ODAPH: variants seen among roughly 807,000 people sequenced by gnomAD.
ODAPH encodes amelogenesis imperfecta type IIA4.
In ODAPH, 2 loss-of-function variants were observed where a neutral mutation model predicts 2.8. That is an observed-to-expected ratio of 0.72 (90% CI 0.30 to 2.28). The LOEUF is 2.28. Ranked by LOEUF, ODAPH falls within the 30% of genes most tolerant of loss-of-function variation. The probability of loss-of-function intolerance (pLI) is 0.13; values close to 1 mark genes in which losing one functional copy is unlikely to be tolerated. For synonymous variants in ODAPH, 75 were observed against 60.3 expected, an observed-to-expected ratio of 1.24 and a Z score of -1.13; for missense variants, 159 against 163.3, an observed-to-expected ratio of 0.97 and a Z score of 0.14.
chr4:75,561,215 C>T (rs530671552), intron 1 of ODAPH, among the ~76,000 whole-genome samples: 68 of 103,908 alleles, frequency 6.5e-4, no homozygotes, highest in African/African-American at 2.3e-3. Context: ...CAGAGCGAAA[C>T]TCAATCTCAA....
chr4:75,556,116 C>G lies in ODAPH; in HGVS notation c.34C>G (p.Leu12Val). The G allele has an allele frequency of 6.2e-7, 1 of 1,614,110 alleles. No individual in the cohort carries two copies. Among genetic ancestry groups the G allele is most frequent in the Non-Finnish European group, 8.5e-7 (1 of 1,180,000 alleles). The stretch of plus-strand genomic sequence containing the variant: ...CAGACACTGCTTCTCCTACTGGTTA[C>G]TGGTATGCTGGTTGGTGGTAACTGT... ...ARRHCFSYWLLVCWLVVTVAE... is the reference protein window; with the variant it reads ...ARRHCFSYWLVVCWLVVTVAE... The change falls in exon 1 of 2, where the codon CTG (leucine) becomes GTG (valine). Residue 12 changes from leucine (L) to valine (V), a missense_variant. Physicochemically the swap from Leu to Val is conservative, Grantham distance 32. Coordinates refer to ENST00000311623, the MANE Select transcript of ODAPH (RefSeq NM_178497.5).
chr4:75,556,209 CA>C, intron 1 of ODAPH, 60 bp downstream of exon 1: 1 of 1,464,004 alleles, frequency 6.8e-7, no homozygotes, highest in Non-Finnish European at 9.6e-7. Context: ...TAGGAAAAGA[CA>C]AAACTGGCTC....
chr4:75,560,434 C>A (rs1019815091), intron 1 of ODAPH, among the ~76,000 whole-genome samples: 2 of 152,162 alleles, frequency 1.3e-5, no homozygotes. Context: ...AAGTCACAGA[C>A]CATAAATGGC....
chr4:75,556,686 T>C, intron 1 of ODAPH: 1 of 809,534 alleles, frequency 1.2e-6, no homozygotes, highest in Admixed American at 2.2e-5. Flanking sequence ...TAGGATTTTA[T>C]TAGATTCCAT....
chr4:75,558,745 G>C (rs1243615169), intron 1 of ODAPH, among the ~76,000 whole-genome samples: 1 of 152,122 alleles, frequency 6.6e-6, no homozygotes, highest in African/African-American at 2.4e-5. Flanking sequence ...CCAGGCTGGA[G>C]TGTGCAGTGG....
At chr4:75,557,324 T>C (rs1379677041) in intron 1 of ODAPH, among the ~76,000 whole-genome samples, 1 of 152,172 alleles carries the variant, frequency 6.6e-6, no homozygotes, top group African/African-American at 2.4e-5. Context: ...AGATTAGAGA[T>C]TTATTTTATT....
Position 75,564,772 on chromosome 4 carries a change from CTAAAT to C in ODAPH, c.*338_*342del, listed in dbSNP as rs1489333560. The C allele has an allele frequency of 9.9e-6, 5 of 503,068 alleles. No homozygotes were observed. Among genetic ancestry groups the C allele is most frequent in the African/African-American group, 7.7e-5 (4 of 51,728 alleles). The allele number at this position is 503,068 out of a possible 1,614,324, so 31.2% of individuals were successfully genotyped here. A position where few individuals can be genotyped will look rare whatever the true frequency, so the allele number is the denominator to read the frequency against. On this transcript the variant is annotated 3_prime_UTR_variant, in exon 2 of 2. Coordinates refer to ENST00000311623, the MANE Select transcript of ODAPH (RefSeq NM_178497.5). ...ATGCTGAGAGAATCCATCTCCTCCT[CTAAAT>C]TAAACAGGATTTAAATAAATTGAGA...
intron 1 of ODAPH, among the ~76,000 whole-genome samples, chr4:75,559,396 G>A (rs543105566): frequency 7.9e-5 from 12 of 152,192 alleles, no homozygotes; most frequent in African/African-American, 2.2e-4. Context: ...TTTTATTTCC[G>A]GTAACACTCA....
At chr4:75,559,848 G>A (rs1578293940) in intron 1 of ODAPH, among the ~76,000 whole-genome samples, 1 of 152,334 alleles carries the variant, frequency 6.6e-6, no homozygotes, top group Non-Finnish European at 1.5e-5. Context: ...AGACGGTCAC[G>A]TAGATCTTTC....
intron 1 of ODAPH, among the ~76,000 whole-genome samples, chr4:75,562,376 G>A (rs1009645905): frequency 3.5e-5 from 5 of 144,456 alleles, no homozygotes; most frequent in Non-Finnish European, 7.5e-5. Context: ...TTTTGCTCTC[G>A]TTGCCCAGGC....
chr4:75,561,183 C>T (rs1313555866), intron 1 of ODAPH, among the ~76,000 whole-genome samples: 1 of 136,892 alleles, frequency 7.3e-6, no homozygotes, highest in Non-Finnish European at 1.5e-5. Flanking sequence ...GAGATCGCGC[C>T]ACTGCACTCC....
chr4:75,560,107 G>T (rs879854720), intron 1 of ODAPH, among the ~76,000 whole-genome samples: 3 of 152,148 alleles, frequency 2.0e-5, no homozygotes, highest in Non-Finnish European at 2.9e-5. Context: ...TGCCAAAGTG[G>T]TTTTTGGAGA....
chr4:75,562,339 C>CTTTT (rs10672492), intron 1 of ODAPH, among the ~76,000 whole-genome samples: 4 of 135,658 alleles, frequency 2.9e-5, no homozygotes, highest in African/African-American at 1.1e-4. Context: ...GTGGGAAGTT[C>CTTTT]TTTTTTTTTT....
intron 1 of ODAPH, among the ~76,000 whole-genome samples, chr4:75,562,940 A>C (rs1242174031): frequency 6.7e-6 from 1 of 148,198 alleles, no homozygotes; most frequent in Non-Finnish European, 1.5e-5. Flanking sequence ...ACATTAATTA[A>C]GTTCTTTTTT....
chr4:75,564,297 G>A lies in ODAPH; in HGVS notation c.251G>A (p.Arg84Lys). 1 of 1,614,134 alleles carries A rather than the reference G, an allele frequency of 6.2e-7. No homozygotes were observed. The highest frequency in any genetic ancestry group is 8.5e-7 in the Non-Finnish European group (1 of 1,180,028). Reference sequence around the variant, plus strand: ...CCACGAAGGCCCAGAATCCATTTTAGGTTTCCAAACAGACCTTTCGTCCCT... The same window carrying A: ...CCACGAAGGCCCAGAATCCATTTTAAGTTTCCAAACAGACCTTTCGTCCCT... ...FFPRRPRIHF[R>K]FPNRPFVPSR... Residue 84 changes from arginine to lysine, a missense_variant, in exon 2 of 2, where the codon AGG (arginine) becomes AAG (lysine). Arg to Lys is a conservative substitution (Grantham distance 26). Coordinates refer to ENST00000311623, the MANE Select transcript of ODAPH (RefSeq NM_178497.5).
At chr4:75,560,114 G>C (rs1339137991) in intron 1 of ODAPH, among the ~76,000 whole-genome samples, 2 of 152,282 alleles carry the variant, frequency 1.3e-5, no homozygotes, top group African/African-American at 4.8e-5. Flanking sequence ...GTGGTTTTTG[G>C]AGAGGGAAGG....
chr4:75,559,832 T>G (rs1402124390), intron 1 of ODAPH, among the ~76,000 whole-genome samples: 2 of 152,204 alleles, frequency 1.3e-5, no homozygotes, highest in African/African-American at 4.8e-5. Context: ...GAGGCAGCAG[T>G]CTACAAGACG....
At position 75,564,657 on chromosome 4, in the gene ODAPH, AT is replaced by A; in HGVS notation, c.*223del. ...TGCAAAATTGGACAATAACCACGTT[AT>A]TTTTATCCTCAACCTCTTATGGTCA... On this transcript the variant is annotated 3_prime_UTR_variant, in exon 2 of 2. Transcript: ENST00000311623. The A allele has an allele frequency of 1.1e-6, 1 of 897,844 alleles. No individual in the cohort carries two copies. Among genetic ancestry groups the A allele is most frequent in the Non-Finnish European group, 1.6e-6 (1 of 606,132 alleles). The allele number at this position is 897,844 out of a possible 1,614,324, so 55.6% of individuals were successfully genotyped here.
chr4:75,557,873 T>C (rs536428334), intron 1 of ODAPH, among the ~76,000 whole-genome samples: 14 of 152,342 alleles, frequency 9.2e-5, no homozygotes, highest in African/African-American at 3.4e-4. Flanking sequence ...CTCCCTCCAC[T>C]TGCTTTCACC....
Sources: gnomAD v4.1 joint callset for allele counts (sites outside exome capture counted in the v4.1 genomes callset) on GRCh38, gnomAD v4.1.1 for gene constraint, MANE v1.5 for transcripts, NCBI Gene and HGNC (gene_info 2026-07-23, HGNC 2026-07-21) for gene names.